The following CTNNA2 variants were observed in gnomAD, a reference collection of about 807,000 sequenced individuals.
CTNNA2 encodes catenin alpha 2, also known as catenin alpha-2.
A neutral mutation model predicts 101.0 loss-of-function variants in CTNNA2; 42 were observed. The ratio of observed to expected loss-of-function variants is 0.42; its 90% CI spans 0.32 to 0.54. CTNNA2 has a LOEUF of 0.54. CTNNA2 is among the 20% of genes least tolerant of loss of function. CTNNA2 has a pLI of 0.14. For synonymous variants in CTNNA2, 450 were observed against 456.4 expected, an observed-to-expected ratio of 0.99 and a Z score of 0.18; for missense variants, 871 against 1,223.1, an observed-to-expected ratio of 0.71 and a Z score of 4.29.
At chr2:79,765,309 T>A (rs1170397314) in intron 3 of CTNNA2, among the ~76,000 whole-genome samples, 1 of 152,166 alleles carries the variant, frequency 6.6e-6, no homozygotes, top group Admixed American at 6.5e-5. Context: ...GTTACATTTC[T>A]AGAGACACAA....
At chr2:80,006,228 T>A (rs1016002812) in intron 7 of CTNNA2, among the ~76,000 whole-genome samples, 14 of 152,088 alleles carry the variant, frequency 9.2e-5, no homozygotes, top group African/African-American at 3.4e-4. Flanking sequence ...GTACACACTT[T>A]TAGAATCATG....
At chr2:79,732,237 G>A (rs1430421186) in intron 2 of CTNNA2, among the ~76,000 whole-genome samples, 1 of 152,044 alleles carries the variant, frequency 6.6e-6, no homozygotes, top group African/African-American at 2.4e-5. Context: ...TTTCTGCTCT[G>A]AGAGATGCCA....
At chr2:80,170,877 A>G (rs758422779) in intron 7 of CTNNA2, among the ~76,000 whole-genome samples, 31 of 152,188 alleles carry the variant, frequency 2.0e-4, no homozygotes, top group Non-Finnish European at 3.7e-4. Flanking sequence ...CTGAAAGGGT[A>G]CAACTTTTCA....
intron 3 of CTNNA2, among the ~76,000 whole-genome samples, chr2:79,856,998 G>A (rs1377961845): frequency 1.3e-5 from 2 of 152,192 alleles, no homozygotes; most frequent in Non-Finnish European, 2.9e-5. Flanking sequence ...CCACCCTGCT[G>A]AGGGTAAAAT....
At chr2:79,479,973 G>A (rs1329658113) in intron 4 of CTNNA2, among the ~76,000 whole-genome samples, 1 of 152,086 alleles carries the variant, frequency 6.6e-6, no homozygotes, top group African/African-American at 2.4e-5. Flanking sequence ...AAGAAAAGAG[G>A]TTTATTTGGC....
chr2:80,619,572 ATTC>A (rs1234789443), intron 18 of CTNNA2, among the ~76,000 whole-genome samples: 6 of 151,936 alleles, frequency 3.9e-5, no homozygotes, highest in African/African-American at 7.2e-5. Flanking sequence ...AGAAGGATGT[ATTC>A]TTCTTTGTTT....
At chr2:79,929,769 C>T (rs1449343343) in intron 7 of CTNNA2, among the ~76,000 whole-genome samples, 1 of 152,106 alleles carries the variant, frequency 6.6e-6, no homozygotes, top group African/African-American at 2.4e-5. Flanking sequence ...GAAGTTTGGG[C>T]TTTTAGATGA....
intron 2 of CTNNA2, among the ~76,000 whole-genome samples, chr2:79,205,557 T>C (rs1674090032): frequency 6.6e-6 from 1 of 152,178 alleles, no homozygotes; most frequent in Admixed American, 6.5e-5. Flanking sequence ...CAGTATGCTG[T>C]TGCTATTTCT....
intron 7 of CTNNA2, among the ~76,000 whole-genome samples, chr2:80,002,163 G>A (rs1034726311): frequency 1.1e-4 from 17 of 152,146 alleles, no homozygotes; most frequent in African/African-American, 3.4e-4. Context: ...TTGCATTTAT[G>A]ATATTTCCTC....
At chr2:79,796,152 C>G (rs1675678284) in intron 3 of CTNNA2, among the ~76,000 whole-genome samples, 2 of 152,146 alleles carry the variant, frequency 1.3e-5, no homozygotes, top group Admixed American at 1.3e-4. Flanking sequence ...GGGCCCTGGA[C>G]AGGCACCCGT....
intron 3 of CTNNA2, among the ~76,000 whole-genome samples, chr2:79,333,197 A>AATACACATAATT: frequency 6.6e-6 from 1 of 151,616 alleles, no homozygotes; most frequent in African/African-American, 2.4e-5. Context: ...TATTCAAGCA[A>AATACACATAATT]CACCATCTAC....
chr2:79,981,253 A>G (rs900996367), intron 7 of CTNNA2, among the ~76,000 whole-genome samples: 4 of 152,132 alleles, frequency 2.6e-5, no homozygotes, highest in African/African-American at 9.7e-5. Context: ...TTAAGCACGC[A>G]TTTTTAGACT....
At chr2:79,705,705 T>A (rs569786104) in intron 2 of CTNNA2, among the ~76,000 whole-genome samples, 1 of 152,218 alleles carries the variant, frequency 6.6e-6, no homozygotes, top group Non-Finnish European at 1.5e-5. Context: ...GAAATGGCAA[T>A]TTGGATAGAA....
intron 3 of CTNNA2, among the ~76,000 whole-genome samples, chr2:79,780,641 C>A (rs1025785234): frequency 7.9e-5 from 12 of 152,286 alleles, no homozygotes; most frequent in Admixed American, 6.5e-4. Flanking sequence ...CCTCTAATCC[C>A]CTAAATGGCC....
At chr2:80,432,343 G>A (rs1559105281) in intron 9 of CTNNA2, among the ~76,000 whole-genome samples, 1 of 152,082 alleles carries the variant, frequency 6.6e-6, no homozygotes, top group Non-Finnish European at 1.5e-5. Context: ...ATCTTTTGGG[G>A]AAAAAATTGA....
intron 2 of CTNNA2, among the ~76,000 whole-genome samples, chr2:79,206,857 A>G (rs1250657805): frequency 6.6e-6 from 1 of 152,154 alleles, no homozygotes; most frequent in Admixed American, 6.6e-5. Flanking sequence ...ATAAAGATAG[A>G]TCCCTGATCA....
At chr2:79,910,203 C>A (rs998519259) in intron 7 of CTNNA2, among the ~76,000 whole-genome samples, 1 of 152,010 alleles carries the variant, frequency 6.6e-6, no homozygotes, top group Non-Finnish European at 1.5e-5. Flanking sequence ...GAATCTTCAC[C>A]CCTAAGAGGC....
chr2:79,224,849 G>A (rs1674388377), intron 2 of CTNNA2, among the ~76,000 whole-genome samples: 1 of 151,118 alleles, frequency 6.6e-6, no homozygotes, highest in South Asian at 2.1e-4. Context: ...TTCTCGGGCT[G>A]TATATATATG....
intron 4 of CTNNA2, among the ~76,000 whole-genome samples, chr2:79,490,834 C>T (rs1671201180): frequency 6.6e-6 from 1 of 152,186 alleles, no homozygotes; most frequent in Non-Finnish European, 1.5e-5. Context: ...AAGATCCAGG[C>T]ATTTTAGAAA....
Sources: gnomAD v4.1 joint callset for allele counts (sites outside exome capture counted in the v4.1 genomes callset) on GRCh38, gnomAD v4.1.1 for gene constraint, MANE v1.5 for transcripts, NCBI Gene and HGNC (gene_info 2026-07-23, HGNC 2026-07-21) for gene names.